Variants in TP53I11 observed in about 807,000 individuals in gnomAD.
TP53I11 encodes the protein tumor protein p53 inducible protein 11, also known as tumor protein p53-inducible protein 11.
Under a neutral mutation model 23.3 loss-of-function variants are expected in TP53I11, and 9 were observed. The ratio of observed to expected loss-of-function variants is 0.39; its 90% CI spans 0.23 to 0.67. TP53I11 has a LOEUF of 0.67. Among genes scored for constraint, TP53I11 ranks in the 30% least tolerant of loss-of-function variants. The pLI is 0.48. For synonymous variants in TP53I11, 100 were observed against 106.1 expected, an observed-to-expected ratio of 0.94 and a Z score of 0.35; for missense variants, 170 against 255.2, an observed-to-expected ratio of 0.67 and a Z score of 2.27.
Position 44,936,633 on chromosome 11 carries a change from A to C in TP53I11, c.334+170T>G, listed in dbSNP as rs764016020. ...GGTGTATTCCACCAATGGCCACAAG[A>C]TGGCAGCACATCCCCAGCAGAGAGC... On this transcript the variant is annotated intron_variant, in intron 5 of 6. Transcript: ENST00000525680. The surrounding 1 kb of genome is among the most constrained non-coding windows in gnomAD (Gnocchi z 4.4). The C allele has an allele frequency of 3.7e-6, 5 of 1,339,514 alleles. No individual in the cohort carries two copies. The highest frequency in any genetic ancestry group is 1.5e-5 in the African/African-American group (1 of 65,782). The allele number at this position is 1,339,514 out of a possible 1,614,324, so 83.0% of individuals were successfully genotyped here. A position where few individuals can be genotyped will look rare whatever the true frequency, so the allele number is the denominator to read the frequency against.
chr11:44,949,284 C>T (rs1322986319), intron 1 of TP53I11, among the ~76,000 whole-genome samples: 1 of 152,216 alleles, frequency 6.6e-6, no homozygotes, highest in African/African-American at 2.4e-5. Flanking sequence ...CTGCGGGCCG[C>T]AGATCCTGGT....
intron 1 of TP53I11, among the ~76,000 whole-genome samples, chr11:44,949,152 T>C (rs574873714): frequency 1.3e-5 from 2 of 152,344 alleles, no homozygotes; most frequent in Admixed American, 1.3e-4. Context: ...AATAGTCTTA[T>C]TTCCTAACAA....
rs770990395 is a variant in TP53I11, at chr11:44,935,603, T to A, written c.394A>T (p.Thr132Ser). The A allele has an allele frequency of 6.2e-7, 1 of 1,607,080 alleles. No homozygotes were observed. The highest frequency in any genetic ancestry group is 1.7e-5 in the Admixed American group (1 of 59,746). ...AAATAGCAAGCTTCGGTGAGCAGGG[T>A]CCATCGAATGATGACCTTCTCAGCC... is the stretch of plus-strand genomic sequence containing the variant. ...YTAEKVIIRWTLLTEACYFGV... is the reference protein window; with the variant it reads ...YTAEKVIIRWSLLTEACYFGV... The change falls in exon 6 of 7, where the codon ACC becomes TCC. Residue 132 changes from threonine to serine, a missense_variant. Transcript: ENST00000525680.
chr11:44,950,784 G>GCAGGGCAGGGCAGGGCAGGGCAGGA lies in TP53I11; in HGVS notation c.-164_-140dup, dbSNP rs1411430357. 1 of 114,352 alleles carries GCAGGGCAGGGCAGGGCAGGGCAGGA rather than the reference G, an allele frequency of 8.7e-6. No individual in the cohort carries two copies. The highest frequency in any genetic ancestry group is 2.7e-5 in the African/African-American group (1 of 36,610). 7.1% of individuals were successfully genotyped at this position (114,352 alleles called of 1,614,324 possible). ...CCCGTGCCGGGCCGGGCAGTGCAGG[G>GCAGGGCAGGGCAGGGCAGGGCAGGA]CAGGGCAGGGCAGGGCAGGGCAGGA... On this transcript the variant is annotated 5_prime_UTR_variant, in exon 1 of 7. Coordinates refer to ENST00000525680, the MANE Select transcript of TP53I11 (RefSeq NM_006034.5).
rs1860838934 is a variant in TP53I11, at chr11:44,934,268, G to A, written c.*616C>T. Reference sequence around the variant, plus strand: ...CTGGGCTATGAAGGCGCACGTGTGTGTGTTTGCTCACATCATGGGTGTATG... The same window carrying A: ...CTGGGCTATGAAGGCGCACGTGTGTATGTTTGCTCACATCATGGGTGTATG... On this transcript the variant is annotated 3_prime_UTR_variant, in exon 7 of 7. Transcript: ENST00000525680. 1 of 152,838 alleles carries A rather than the reference G, an allele frequency of 6.5e-6. No homozygotes were observed. The highest frequency in any genetic ancestry group is 6.5e-5 in the Admixed American group (1 of 15,338). The allele number at this position is 152,838 out of a possible 1,614,324, so 9.5% of individuals were successfully genotyped here.
intron 1 of TP53I11, among the ~76,000 whole-genome samples, chr11:44,940,233 T>G (rs1861618743): frequency 6.6e-6 from 1 of 152,258 alleles, no homozygotes; most frequent in Admixed American, 6.5e-5. Flanking sequence ...GCCCACGCCC[T>G]TCCTCTTCCA....
upstream of TP53I11, chr11:44,951,128 C>A (rs1472599538): frequency 6.6e-6 from 1 of 152,188 alleles, no homozygotes; most frequent in Non-Finnish European, 1.5e-5. Context: ...TGGCGTGGCC[C>A]GCGCCGCCCA....
intron 1 of TP53I11, 62 bp from the exon 2 acceptor site, chr11:44,938,428 G>C (rs1861410521): frequency 2.8e-6 from 4 of 1,433,298 alleles, no homozygotes; most frequent in Non-Finnish European, 3.7e-6. Context: ...CTAGGGGAAG[G>C]GGCCTGACTA....
At chr11:44,935,815 A>G (rs2135420401) in intron 5 of TP53I11, 153 bp from the exon 6 acceptor site, 1 of 628,302 alleles carries the variant, frequency 1.6e-6, no homozygotes, top group East Asian at 2.7e-5. Flanking sequence ...TTCTCAAATC[A>G]AAGCTGTCTG....
At chr11:44,938,416 C>A in intron 1 of TP53I11, 50 bp from the exon 2 acceptor site, 4 of 1,452,064 alleles carry the variant, frequency 2.8e-6, no homozygotes, top group Non-Finnish European at 3.6e-6. Context: ...AGCTTCCAGA[C>A]CCTAGGGGAA....
chr11:44,932,540 G>A lies in TP53I11; in HGVS notation c.*2344C>T, dbSNP rs1352322078. The A allele has an allele frequency of 2.6e-5, 4 of 152,306 alleles. No homozygotes were observed. The highest frequency in any genetic ancestry group is 2.0e-4 in the South Asian group (1 of 4,884). 9.4% of individuals were successfully genotyped at this position (152,306 alleles called of 1,614,324 possible). A position where few individuals can be genotyped will look rare whatever the true frequency, so the allele number is the denominator to read the frequency against. ...GAGGCGTTCCAGGTCACCCCAAACG[G>A]AGCGTAGAGCGGGCCCACACCGAGC... On this transcript the variant is annotated 3_prime_UTR_variant, in exon 7 of 7. Coordinates refer to ENST00000525680, the MANE Select transcript of TP53I11 (RefSeq NM_006034.5).
Position 44,936,948 on chromosome 11 carries a change from G to T in TP53I11, c.238-49C>A. On this transcript the variant is annotated intron_variant, in intron 4 of 6. Transcript: ENST00000525680. This position sits in a 1 kb window ranked among gnomAD's most constrained non-coding sequence, Gnocchi z 4.4. ...GAGGTCCCGCTTGGGAGAGGGTGGG[G>T]GGTGACAGCTGATGCTTCCCACAGA... is the stretch of plus-strand genomic sequence containing the variant. 7.4e-7 allele frequency: 1 copy of T among 1,352,262 alleles called. No homozygotes were observed. The highest frequency in any genetic ancestry group is 2.2e-5 in the Admixed American group (1 of 44,692). The allele number at this position is 1,352,262 out of a possible 1,614,324, so 83.8% of individuals were successfully genotyped here.
Position 44,935,677 on chromosome 11 carries a change from G to GTTTT in TP53I11, c.335-16_335-15insAAAA. ...CAGGGAGATGCCTGGGGCGGGGGAT[G>GTTTT]AAAAGGGGGCTGGGGGTGGGACAGC... On this transcript the variant is annotated splice_polypyrimidine_tract_variant and intron_variant, in intron 5 of 6. Coordinates refer to ENST00000525680, the MANE Select transcript of TP53I11 (RefSeq NM_006034.5). 3 of 575,410 alleles carry GTTTT rather than the reference G, an allele frequency of 5.2e-6. No homozygotes were observed. Among genetic ancestry groups the GTTTT allele is most frequent in the Non-Finnish European group, 6.3e-6 (2 of 318,220 alleles). The allele number at this position is 575,410 out of a possible 1,614,324, so 35.6% of individuals were successfully genotyped here. A position where few individuals can be genotyped will look rare whatever the true frequency, so the allele number is the denominator to read the frequency against.
At chr11:44,938,401 T>C (rs780156531) in intron 1 of TP53I11, 35 bp from the exon 2 acceptor site, 8 of 1,481,692 alleles carry the variant, frequency 5.4e-6, no homozygotes, top group Non-Finnish European at 6.3e-6. Context: ...CCACAGTTCC[T>C]ACCCAGCTTC....
chr11:44,934,327 G>T lies in TP53I11; in HGVS notation c.*557C>A. On this transcript the variant is annotated 3_prime_UTR_variant, in exon 7 of 7. Coordinates refer to ENST00000525680, the MANE Select transcript of TP53I11 (RefSeq NM_006034.5). ...TGTGTGTGTTCAGGGGTGTGTATGT[G>T]TGTGTGTTGTGTGTCTGTGTGTGTT... 1 of 166,964 alleles carries T rather than the reference G, an allele frequency of 6.0e-6. No homozygotes were observed. The highest frequency in any genetic ancestry group is 1.5e-4 in the South Asian group (1 of 6,676). The allele number at this position is 166,964 out of a possible 1,614,324, so 10.3% of individuals were successfully genotyped here. A position where few individuals can be genotyped will look rare whatever the true frequency, so the allele number is the denominator to read the frequency against.
Position 44,934,807 on chromosome 11 carries a change from C to G in TP53I11, c.*77G>C. The G allele has an allele frequency of 6.3e-7, 1 of 1,591,304 alleles. No individual in the cohort carries two copies. Among genetic ancestry groups the G allele is most frequent in the Non-Finnish European group, 8.6e-7 (1 of 1,167,510 alleles). ...GCAGGGCAGGGGACCCTCCTGCCTTCCAGGAGCCAAAGGGAAGCCGAGGCC... is the reference window on the plus strand; with the variant it reads ...GCAGGGCAGGGGACCCTCCTGCCTTGCAGGAGCCAAAGGGAAGCCGAGGCC... On this transcript the variant is annotated 3_prime_UTR_variant, in exon 7 of 7. Coordinates refer to ENST00000525680, the MANE Select transcript of TP53I11 (RefSeq NM_006034.5).
intron 1 of TP53I11, among the ~76,000 whole-genome samples, chr11:44,947,874 T>C (rs1416164025): frequency 1.3e-5 from 2 of 152,188 alleles, no homozygotes; most frequent in Non-Finnish European, 2.9e-5. Context: ...GCGCCTGTTT[T>C]GTAGTTAATG....
At chr11:44,947,109 G>A (rs745387052) in intron 1 of TP53I11, 5 of 456,172 alleles carry the variant, frequency 1.1e-5, no homozygotes, top group South Asian at 3.1e-5. Context: ...CTCCTCCCCC[G>A]GGGGTCTGAA....
In TP53I11 at chr11:44,936,732, G is replaced by T; in HGVS notation, c.334+71C>A. On this transcript the variant is annotated intron_variant, in intron 5 of 6. Coordinates refer to ENST00000525680, the MANE Select transcript of TP53I11 (RefSeq NM_006034.5). This position sits in a 1 kb window ranked among gnomAD's most constrained non-coding sequence, Gnocchi z 4.4. Reference sequence around the variant, plus strand: ...GGGGTGCCCGGGCACGGACCCCCGTGCTCTCCTCAGCCCCGCTGGGTCTCC... The same window carrying T: ...GGGGTGCCCGGGCACGGACCCCCGTTCTCTCCTCAGCCCCGCTGGGTCTCC... The T allele has an allele frequency of 7.1e-7, 1 of 1,404,160 alleles. No individual in the cohort carries two copies. The highest frequency in any genetic ancestry group is 1.6e-5 in the South Asian group (1 of 63,946). 87.0% of individuals were successfully genotyped at this position (1,404,160 alleles called of 1,614,324 possible).
Sources: allele counts gnomAD v4.1 joint callset (sites outside exome capture counted in the v4.1 genomes callset), GRCh38; gene constraint gnomAD v4.1.1; non-coding constraint Gnocchi (gnomAD v3.1); transcripts MANE v1.5; gene names NCBI Gene and HGNC (gene_info 2026-07-23, HGNC 2026-07-21).